The following KIF26A variants were observed in gnomAD, a reference collection of about 807,000 sequenced individuals.
KIF26A encodes the protein kinesin family member 26A, also known as kinesin-like protein KIF26A.
In KIF26A, 74 loss-of-function variants were observed where a neutral mutation model predicts 126.0. That is an observed-to-expected ratio of 0.59 (90% CI 0.49 to 0.71). KIF26A has a LOEUF of 0.71. KIF26A is among the 30% of genes least tolerant of loss of function. The probability of loss-of-function intolerance (pLI) is 0.00; values close to 1 mark genes in which losing one functional copy is unlikely to be tolerated. For missense variants in KIF26A, 2,984 were observed against 2,763.3 expected, an observed-to-expected ratio of 1.08 and a Z score of -1.79; for synonymous variants, 1,445 against 1,232.7, an observed-to-expected ratio of 1.17 and a Z score of -3.61.
At position 104,177,834 on chromosome 14, in the gene KIF26A, G is replaced by A. The variant is rs1362656666; in HGVS notation, c.5046G>A (p.Glu1682=). ...SASSAPDSMS[E]SGAASPGART... ...CCTCCGCCCCTGACTCCATGAGCGA[G>A]AGTGGGGCTGCCTCCCCAGGCGCCC... The change falls in exon 12 of 15, where the codon GAG becomes GAA. Residue 1682 remains glutamate, a synonymous_variant. Transcript: ENST00000423312. 1.8e-5 allele frequency: 28 copies of A among 1,565,622 alleles called. No homozygotes were observed. The Admixed American group carries it at 3.9e-4, about 22-fold the overall frequency.
At chr14:104,161,475 G>C (rs1034336432) in intron 4 of KIF26A, among the ~76,000 whole-genome samples, 21 of 152,236 alleles carry the variant, frequency 1.4e-4, no homozygotes, top group African/African-American at 4.8e-4. Flanking sequence ...TTACCCTCTT[G>C]TTTGGAAGCG....
At chr14:104,177,950 G>T in intron 12 of KIF26A, 52 bp downstream of exon 12, 1 of 1,433,562 alleles carries the variant, frequency 7.0e-7, no homozygotes, top group Non-Finnish European at 9.1e-7. Flanking sequence ...TCTGTGTGTA[G>T]ATGTGCACAG....
chr14:104,141,440 G>T (rs921171767), intron 2 of KIF26A, among the ~76,000 whole-genome samples: 36 of 152,252 alleles, frequency 2.4e-4, no homozygotes, highest in African/African-American at 8.2e-4. Context: ...GCCCAGAGAA[G>T]TGGAGAGACT....
At chr14:104,155,945 G>A (rs1224779971) in intron 3 of KIF26A, among the ~76,000 whole-genome samples, 1 of 152,216 alleles carries the variant, frequency 6.6e-6, no homozygotes, top group Non-Finnish European at 1.5e-5. Context: ...CCTGTCCAGT[G>A]GGGGAGGCAG....
At position 104,172,643 on chromosome 14, in the gene KIF26A, T is replaced by G; in HGVS notation, c.1395T>G (p.Ile465Met). The change falls in exon 7 of 15, where the codon ATT becomes ATG. Residue 465 changes from isoleucine to methionine, a missense_variant. By Grantham distance (10) the Ile-to-Met change is conservative. Coordinates refer to ENST00000423312, the MANE Select transcript of KIF26A (RefSeq NM_015656.2). ...QSVVSGADGC[I>M]FSFGHMSLGK... ...TGGTCAGTGGGGCTGATGGCTGCAT[T>G]TTTTCCTTTGGCCACATGAGCCTGG... 6.2e-7 allele frequency: 1 copy of G among 1,613,126 alleles called. No homozygotes were observed. The highest frequency in any genetic ancestry group is 8.5e-7 in the Non-Finnish European group (1 of 1,179,730).
rs988088799 is a variant in KIF26A at position 104,167,168 on chromosome 14, T to C, written c.1113+120T>C. On this transcript the variant is annotated intron_variant, in intron 5 of 14. Coordinates refer to ENST00000423312, the MANE Select transcript of KIF26A (RefSeq NM_015656.2). The stretch of plus-strand genomic sequence containing the variant: ...CCTTCTCTGGGTTGGATAAGGGTGG[T>C]CAGTGGGGTGCCATGGGGAGACTGA... 9 of 1,125,138 alleles carry C rather than the reference T, an allele frequency of 8.0e-6. No homozygotes were observed. The East Asian group carries it at 1.6e-4, about 21-fold the overall frequency. 69.7% of individuals were successfully genotyped at this position (1,125,138 alleles called of 1,614,324 possible). A position where few individuals can be genotyped will look rare whatever the true frequency, so the allele number is the denominator to read the frequency against.
intron 2 of KIF26A, among the ~76,000 whole-genome samples, chr14:104,142,687 C>G (rs559461767): frequency 6.6e-6 from 1 of 152,214 alleles, no homozygotes; most frequent in Non-Finnish European, 1.5e-5. Flanking sequence ...TCTAAGGCCC[C>G]CCTCGCTTCC....
intron 2 of KIF26A, among the ~76,000 whole-genome samples, chr14:104,141,242 C>T (rs570249272): frequency 1.7e-4 from 26 of 152,324 alleles, no homozygotes; most frequent in African/African-American, 5.8e-4. Flanking sequence ...GAGTCTGGTG[C>T]ACTGTCCAGT....
At position 104,180,638 on chromosome 14, in the gene KIF26A, G is replaced by A. The variant is rs931426297; in HGVS notation, c.*848G>A. ...TATGGTTTTCTAGGGAAGGTGTTCT[G>A]GGGGCCGGGCTCTCTCCAGCTGTGG... On this transcript the variant is annotated 3_prime_UTR_variant, in exon 15 of 15. Coordinates refer to ENST00000423312, the MANE Select transcript of KIF26A (RefSeq NM_015656.2). 1.3e-5 allele frequency: 2 copies of A among 154,016 alleles called. No individual in the cohort carries two copies. Among genetic ancestry groups the A allele is most frequent in the African/African-American group, 4.8e-5 (2 of 41,488 alleles). 9.5% of individuals were successfully genotyped at this position (154,016 alleles called of 1,614,324 possible).
At chr14:104,164,269 T>A (rs564872238) in intron 4 of KIF26A, among the ~76,000 whole-genome samples, 1 of 145,418 alleles carries the variant, frequency 6.9e-6, no homozygotes, top group Non-Finnish European at 1.5e-5. Context: ...GCGTGGGGCA[T>A]GTTAGGGGAC....
In KIF26A at chr14:104,177,503, C is replaced by T. The variant is rs1365470096; in HGVS notation, c.4715C>T (p.Ala1572Val). ...CACAGCCGCGTCCATGAGCTGTCAG[C>T]CAGTGGAGCCCCGGGCCGAGGTGGC... The part of the protein sequence containing the change: ...AAHSRVHELS[A>V]SGAPGRGGSS... The change falls in exon 12 of 15, where the codon GCC becomes GTC. Residue 1572 changes from alanine (A) to valine (V), a missense_variant. By Grantham distance (64) the Ala-to-Val change is moderately conservative. Coordinates refer to ENST00000423312, the MANE Select transcript of KIF26A (RefSeq NM_015656.2). 6.5e-7 allele frequency: 1 copy of T among 1,534,430 alleles called. No individual in the cohort carries two copies. Among genetic ancestry groups the T allele is most frequent in the Non-Finnish European group, 8.7e-7 (1 of 1,145,876 alleles).
chr14:104,157,060 C>T (rs543998103), intron 3 of KIF26A, among the ~76,000 whole-genome samples: 1 of 152,138 alleles, frequency 6.6e-6, no homozygotes, highest in African/African-American at 2.4e-5. Flanking sequence ...TGCATCCCCC[C>T]ACGCCGCCCA....
rs1325470120 is a variant in KIF26A at position 104,177,779 on chromosome 14, G to A, written c.4991G>A (p.Arg1664Gln). Residue 1664 changes from arginine (R) to glutamine (Q), a missense_variant, in exon 12 of 15, where the codon CGG (arginine) becomes CAG (glutamine). Arg to Gln is a conservative substitution (Grantham distance 43). Transcript: ENST00000423312. ...SGGSSGYESL[R>Q]RDSEATGSAS... ...GGCAGCAGTGGCTATGAGAGCCTGC[G>A]GCGCGACAGCGAGGCCACCGGCAGC... The A allele has an allele frequency of 3.2e-6, 5 of 1,550,254 alleles. No individual in the cohort carries two copies. The highest frequency in any genetic ancestry group is 1.2e-5 in the South Asian group (1 of 85,132).
intron 13 of KIF26A, 141 bp from the exon 14 acceptor site, chr14:104,179,095 G>GC (rs2038070841): frequency 4.0e-6 from 4 of 1,004,230 alleles, no homozygotes; most frequent in Non-Finnish European, 4.1e-6. Context: ...CCCCAGGTCC[G>GC]CCCCCTGCCC....
At chr14:104,157,659 T>C (rs1279610740) in intron 3 of KIF26A, 96 bp from the exon 4 acceptor site, 2 of 1,333,508 alleles carry the variant, frequency 1.5e-6, no homozygotes, top group East Asian at 2.7e-5. Context: ...TGCTGGGCTC[T>C]GGGGTGCCCA....
At chr14:104,157,686 T>C (rs570952455) in intron 3 of KIF26A, 69 bp from the exon 4 acceptor site, 38 of 1,509,166 alleles carry the variant, frequency 2.5e-5, no homozygotes, top group Non-Finnish European at 3.2e-5. Flanking sequence ...TCTCTCCCAC[T>C]CCGGGTGCCA....
At chr14:104,154,075 C>A (rs774439480) in intron 3 of KIF26A, among the ~76,000 whole-genome samples, 12 of 152,212 alleles carry the variant, frequency 7.9e-5, no homozygotes, top group Admixed American at 3.9e-4. Flanking sequence ...GGTAATTTCC[C>A]CTGAACCAGG....
In KIF26A at chr14:104,175,372, G is replaced by C; in HGVS notation, c.2584G>C (p.Gly862Arg). The change falls in exon 12 of 15, where the codon GGT becomes CGT. Residue 862 changes from glycine (G) to arginine (R), a missense_variant. By Grantham distance (125) the Gly-to-Arg change is moderately radical. Coordinates refer to ENST00000423312, the MANE Select transcript of KIF26A (RefSeq NM_015656.2). ...DGNEGPSGGP[G>R]GTDGAQASPA... ...CAACGAGGGTCCCTCAGGAGGTCCA[G>C]GTGGCACCGACGGAGCTCAGGCCAG... The C allele has an allele frequency of 1.2e-6, 2 of 1,600,388 alleles. No individual in the cohort carries two copies. Among genetic ancestry groups the C allele is most frequent in the Non-Finnish European group, 1.7e-6 (2 of 1,178,018 alleles).
intron 5 of KIF26A, among the ~76,000 whole-genome samples, chr14:104,170,007 A>C (rs1277211287): frequency 6.6e-6 from 1 of 152,030 alleles, no homozygotes; most frequent in Non-Finnish European, 1.5e-5. Context: ...GGGCTGCTCC[A>C]TCCCCTCCCT....
Sources: allele counts gnomAD v4.1 joint callset (sites outside exome capture counted in the v4.1 genomes callset), GRCh38; gene constraint gnomAD v4.1.1; transcripts MANE v1.5; gene names NCBI Gene and HGNC (gene_info 2026-07-23, HGNC 2026-07-21).